The following FNTB variants were observed in gnomAD, a reference collection of about 807,000 sequenced individuals.
FNTB encodes protein farnesyltransferase subunit beta.
In FNTB, 27 loss-of-function variants were observed where a neutral mutation model predicts 59.4. That is an observed-to-expected ratio of 0.45 (90% CI 0.34 to 0.63). FNTB has a LOEUF of 0.63. Among genes scored for constraint, FNTB ranks in the 20% least tolerant of loss-of-function variants. The pLI is 0.02. For synonymous variants in FNTB, 230 were observed against 220.7 expected (o/e 1.04, Z -0.37); for missense variants, 449 against 559.6 (o/e 0.80, Z 1.99).
intron 1 of FNTB, among the ~76,000 whole-genome samples, chr14:64,995,141 A>G (rs1432155511): frequency 6.6e-6 from 1 of 152,218 alleles, no homozygotes; most frequent in Non-Finnish European, 1.5e-5. Flanking sequence ...CAGGGTCAGG[A>G]TCATCAGTGT....
rs2062000170 is a variant in FNTB, at chr14:65,027,237, G to A, written c.375-216G>A. The stretch of plus-strand genomic sequence containing the variant: ...TGCTTCATGACCAACAAGCGCTTAA[G>A]TACGAAACTCAGAGGAGGGCAGACA... On this transcript the variant is annotated intron_variant, in intron 4 of 11. Transcript: ENST00000246166. The surrounding 1 kb of genome is among the most constrained non-coding windows in gnomAD (Gnocchi z 5.7). 2 of 725,042 alleles carry A rather than the reference G, an allele frequency of 2.8e-6. No homozygotes were observed. Among genetic ancestry groups the A allele is most frequent in the Non-Finnish European group, 4.3e-6 (2 of 461,466 alleles). 44.9% of individuals were successfully genotyped at this position (725,042 alleles called of 1,614,324 possible).
At chr14:65,042,334 G>A (rs1377337220) in intron 8 of FNTB, among the ~76,000 whole-genome samples, 4 of 152,200 alleles carry the variant, frequency 2.6e-5, no homozygotes, top group African/African-American at 9.7e-5. Context: ...CCCTGAGCTT[G>A]TTTTCTTTCA....
At position 65,054,631 on chromosome 14, in the gene FNTB, A is replaced by G. The variant is rs2062687832; in HGVS notation, c.1124A>G (p.His375Arg). 2 of 1,613,846 alleles carry G rather than the reference A, an allele frequency of 1.2e-6. No homozygotes were observed. The highest frequency in any genetic ancestry group is 8.5e-7 in the Non-Finnish European group (1 of 1,179,904). The change falls in exon 11 of 12, where the codon CAC (histidine) becomes CGC (arginine). Residue 375 changes from histidine (H) to arginine (R), a missense_variant. This residue lies in a region of FNTB where 337 missense variants were observed against 479.1 expected (regional missense o/e 0.70). Transcript: ENST00000246166. This position sits in a 1 kb window ranked among gnomAD's most constrained non-coding sequence, Gnocchi z 4.4. The stretch of plus-strand genomic sequence containing the variant: ...CTGAGCGGCCTGTCCATAGCCCAGC[A>G]CTTCGGCAGCGGAGCCATGTTGCAT... ...YCLSGLSIAQ[H>R]FGSGAMLHDV...
chr14:64,996,087 C>T (rs1220773117), intron 1 of FNTB, among the ~76,000 whole-genome samples: 2 of 147,114 alleles, frequency 1.4e-5, no homozygotes, highest in African/African-American at 5.0e-5. Context: ...CATGCTATTG[C>T]ACTCCAGCCT....
In FNTB at chr14:65,044,672, G is replaced by A. The variant is rs777686413; in HGVS notation, c.955+229G>A. ...TTCTTCAAATTGGCTGCGACAGAAT[G>A]AGCTTCCTTGAAATTGCTACGGGGA... On this transcript the variant is annotated intron_variant, in intron 9 of 11. Transcript: ENST00000246166. The surrounding 1 kb of genome is among the most constrained non-coding windows in gnomAD (Gnocchi z 5.5). 3.1e-5 allele frequency: 20 copies of A among 649,952 alleles called. No individual in the cohort carries two copies. In the Admixed American group the frequency reaches 7.7e-4, roughly 25 times the overall value. 40.3% of individuals were successfully genotyped at this position (649,952 alleles called of 1,614,324 possible). A position where few individuals can be genotyped will look rare whatever the true frequency, so the allele number is the denominator to read the frequency against.
Position 65,044,376 on chromosome 14 carries a change from G to A in FNTB, c.888G>A (p.Val296=). Residue 296 remains valine (V), a synonymous_variant, in exon 9 of 12, where the codon GTG becomes GTA. Transcript: ENST00000246166. The surrounding 1 kb of genome is among the most constrained non-coding windows in gnomAD (Gnocchi z 5.5). ...TTCAGGGCCGCTGCAACAAGCTGGT[G>A]GATGGCTGCTACTCCTTCTGGCAGG... ...GGFQGRCNKL[V]DGCYSFWQAG... The A allele has an allele frequency of 6.2e-7, 1 of 1,613,464 alleles. No individual in the cohort carries two copies. The highest frequency in any genetic ancestry group is 8.5e-7 in the Non-Finnish European group (1 of 1,179,800).
intron 8 of FNTB, among the ~76,000 whole-genome samples, chr14:65,043,549 A>G (rs969478717): frequency 6.6e-6 from 1 of 152,084 alleles, no homozygotes; most frequent in Non-Finnish European, 1.5e-5. Context: ...CAGGCCGGGC[A>G]CGGTGGCTCA....
intron 4 of FNTB, chr14:65,021,865 C>CA (rs1269824014): frequency 2.2e-6 from 1 of 448,414 alleles, no homozygotes; most frequent in Non-Finnish European, 4.5e-6. Flanking sequence ...AGGCTGGTCT[C>CA]AAACTCCTGG....
rs188349119 is a variant in FNTB at position 65,006,977 on chromosome 14, T to A, written c.209+2664T>A. Reference sequence around the variant, plus strand: ...AAGTGTTCCTCCTGGGCTCGGATCCTTGTGGAAATAGAATATATCAGGGCT... The same window carrying A: ...AAGTGTTCCTCCTGGGCTCGGATCCATGTGGAAATAGAATATATCAGGGCT... On this transcript the variant is annotated intron_variant, in intron 2 of 11. Transcript: ENST00000246166. Among the ~76,000 whole-genome samples the A allele has an allele frequency of 3.5e-4, 54 of 152,272 alleles. 1 individual carries two copies. In the East Asian group the frequency reaches 8.7e-3, roughly 25 times the overall value.
At chr14:65,056,437 A>G (rs941101467) in intron 11 of FNTB, among the ~76,000 whole-genome samples, 9 of 152,216 alleles carry the variant, frequency 5.9e-5, no homozygotes, top group African/African-American at 1.9e-4. Context: ...ACATATTGTC[A>G]TCTTTGATAG....
intron 7 of FNTB, among the ~76,000 whole-genome samples, chr14:65,040,015 C>T (rs1566565028): frequency 2.0e-5 from 3 of 152,030 alleles, no homozygotes; most frequent in Admixed American, 1.3e-4. Context: ...ATGGCAATGC[C>T]CCATCTCTAC....
chr14:65,027,742 G>T lies in FNTB; in HGVS notation c.566G>T (p.Gly189Val). 1 of 1,614,158 alleles carries T rather than the reference G, an allele frequency of 6.2e-7. No homozygotes were observed. Among genetic ancestry groups the T allele is most frequent in the Non-Finnish European group, 8.5e-7 (1 of 1,180,044 alleles). Reference sequence around the variant, plus strand: ...TTGTACTCCCTGAAGCAACCTGACGGCTCCTTTCTCATGCATGTCGGAGGT... The same window carrying T: ...TTGTACTCCCTGAAGCAACCTGACGTCTCCTTTCTCATGCATGTCGGAGGT... ...QYLYSLKQPD[G>V]SFLMHVGGEV... Residue 189 changes from glycine (G) to valine (V), a missense_variant, in exon 6 of 12, where the codon GGC (glycine) becomes GTC (valine). Transcript: ENST00000246166. The surrounding 1 kb of genome is among the most constrained non-coding windows in gnomAD (Gnocchi z 5.7).
chr14:65,034,036 A>C (rs1312840194), intron 7 of FNTB, among the ~76,000 whole-genome samples: 1 of 152,178 alleles, frequency 6.6e-6, no homozygotes, highest in Non-Finnish European at 1.5e-5. Flanking sequence ...TTTTTGTATG[A>C]GTTTCATTTT....
At chr14:65,057,796 T>C (rs558466193) in intron 11 of FNTB, among the ~76,000 whole-genome samples, 5 of 152,244 alleles carry the variant, frequency 3.3e-5, no homozygotes, top group Non-Finnish European at 7.3e-5. Flanking sequence ...ACCAGCACCA[T>C]TTACTGAAGT....
chr14:65,042,047 G>T (rs1332501283), intron 8 of FNTB, among the ~76,000 whole-genome samples: 2 of 151,908 alleles, frequency 1.3e-5, no homozygotes, highest in Admixed American at 6.6e-5. Flanking sequence ...TTTTTTTAAG[G>T]TTAAAGGAGA....
intron 1 of FNTB, among the ~76,000 whole-genome samples, chr14:64,998,628 C>T (rs968329460): frequency 1.3e-5 from 2 of 152,202 alleles, no homozygotes; most frequent in Non-Finnish European, 2.9e-5. Flanking sequence ...TCATAGCTGT[C>T]CCTGGCTTTA....
At chr14:65,004,205 A>G (rs779423198) in intron 1 of FNTB, 44 bp from the exon 2 acceptor site, 1 of 1,601,532 alleles carries the variant, frequency 6.2e-7, no homozygotes, top group East Asian at 2.2e-5. Context: ...TGGAGGTCTC[A>G]TCTGTATTTG....
intron 9 of FNTB, among the ~76,000 whole-genome samples, chr14:65,051,888 G>A (rs2062621465): frequency 2.0e-5 from 3 of 150,598 alleles, no homozygotes; most frequent in Non-Finnish European, 3.0e-5. Context: ...TCCGCCTCCT[G>A]GGTTCACGCC....
rs543815724 is a variant in FNTB at position 65,035,856 on chromosome 14, A to G, written c.692+3160A>G. Among the ~76,000 whole-genome samples the G allele has an allele frequency of 8.1e-5, 12 of 148,886 alleles. No homozygotes were observed. The East Asian group carries it at 2.2e-3, about 27-fold the overall frequency. Reference sequence around the variant, plus strand: ...GCTTTTTTTTTTTTTCTTTGAAGACACGGTCTTGCTTGTTGCCCTGGCTGG... The same window carrying G: ...GCTTTTTTTTTTTTTCTTTGAAGACGCGGTCTTGCTTGTTGCCCTGGCTGG... On this transcript the variant is annotated intron_variant, in intron 7 of 11. Transcript: ENST00000246166.
Sources: allele counts gnomAD v4.1 joint callset (sites outside exome capture counted in the v4.1 genomes callset), GRCh38; gene constraint gnomAD v4.1.1; regional missense constraint gnomAD v4.1.1; non-coding constraint Gnocchi (gnomAD v3.1); transcripts MANE v1.5; gene names NCBI Gene and HGNC (gene_info 2026-07-23, HGNC 2026-07-21).